GPC5: variants seen among roughly 807,000 people sequenced by gnomAD.
GPC5 encodes the protein glypican-5.
Under a neutral mutation model 53.9 loss-of-function variants are expected in GPC5, and 47 were observed. The observed-to-expected ratio is 0.87, with a 90% CI of 0.69 to 1.11. The LOEUF (loss-of-function observed/expected upper bound fraction) is 1.11. GPC5 is among the 50% of genes most tolerant of loss of function. GPC5 has a pLI of 0.00. For missense variants in GPC5, 748 were observed against 713.1 expected, an observed-to-expected ratio of 1.05 and a Z score of -0.56; for synonymous variants, 286 against 263.3, an observed-to-expected ratio of 1.09 and a Z score of -0.84.
intron 6 of GPC5, among the ~76,000 whole-genome samples, chr13:91,908,451 TGCA>T (rs1317628434): frequency 6.6e-6 from 1 of 152,140 alleles, no homozygotes; most frequent in Non-Finnish European, 1.5e-5. Flanking sequence ...GTGAAGGTTT[TGCA>T]GCATTTCAAT....
At chr13:91,752,460 C>T (rs1376626101) in intron 4 of GPC5, among the ~76,000 whole-genome samples, 1 of 152,136 alleles carries the variant, frequency 6.6e-6, no homozygotes, top group East Asian at 1.9e-4. Flanking sequence ...GTGGTGGTGG[C>T]AGGAGGTGAT....
At chr13:92,712,813 G>T (rs375464858) in intron 7 of GPC5, among the ~76,000 whole-genome samples, 1 of 152,230 alleles carries the variant, frequency 6.6e-6, no homozygotes, top group Admixed American at 6.5e-5. Context: ...ATGAATGGGC[G>T]TCAATCCAAT....
chr13:91,491,591 C>T (rs991617770), intron 2 of GPC5, among the ~76,000 whole-genome samples: 2 of 152,100 alleles, frequency 1.3e-5, no homozygotes, highest in African/African-American at 4.8e-5. Context: ...ATTATTTTCT[C>T]ATAGTTGTGA....
chr13:91,554,104 A>G (rs1358691406), intron 2 of GPC5, among the ~76,000 whole-genome samples: 6 of 152,062 alleles, frequency 3.9e-5, no homozygotes, highest in Non-Finnish European at 8.8e-5. Context: ...TACATATCTA[A>G]CCAAAATAAA....
intron 2 of GPC5, among the ~76,000 whole-genome samples, chr13:91,618,615 C>G (rs905845137): frequency 1.3e-5 from 2 of 151,852 alleles, no homozygotes; most frequent in African/African-American, 4.8e-5. Context: ...GGCCTTTAGA[C>G]CAGTGGCAAG....
chr13:92,613,809 A>G (rs1171527438), intron 7 of GPC5, among the ~76,000 whole-genome samples: 1 of 150,102 alleles, frequency 6.7e-6, no homozygotes. Flanking sequence ...GTGAGATAGG[A>G]TGGTGCCACT....
At chr13:92,245,071 C>A (rs1466061967) in intron 7 of GPC5, among the ~76,000 whole-genome samples, 2 of 150,954 alleles carry the variant, frequency 1.3e-5, no homozygotes, top group Non-Finnish European at 2.9e-5. Context: ...CATTGTCCTT[C>A]TGGTTAAATG....
chr13:91,808,628 G>A (rs2038261028), intron 5 of GPC5, among the ~76,000 whole-genome samples: 1 of 152,066 alleles, frequency 6.6e-6, no homozygotes, highest in Non-Finnish European at 1.5e-5. Context: ...ATTACTTCTT[G>A]TCTACTCCTG....
intron 4 of GPC5, among the ~76,000 whole-genome samples, chr13:91,753,645 G>A (rs1199670540): frequency 6.6e-6 from 1 of 152,076 alleles, no homozygotes; most frequent in African/African-American, 2.4e-5. Context: ...AAACAGAAAC[G>A]TCTTATGATG....
chr13:92,258,584 AT>A (rs2042743344), intron 7 of GPC5, among the ~76,000 whole-genome samples: 1 of 152,196 alleles, frequency 6.6e-6, no homozygotes, highest in Non-Finnish European at 1.5e-5. Flanking sequence ...ATTTATTTCT[AT>A]AAGATAGCTC....
At chr13:92,498,961 T>G (rs1880084777) in intron 7 of GPC5, among the ~76,000 whole-genome samples, 1 of 152,114 alleles carries the variant, frequency 6.6e-6, no homozygotes, top group Admixed American at 6.5e-5. Context: ...CACATGAATA[T>G]GAAAATAAAA....
intron 7 of GPC5, among the ~76,000 whole-genome samples, chr13:92,381,962 G>GTATGTATCTATCTATCTATC (rs1555331686): frequency 1.3e-4 from 16 of 126,298 alleles, no homozygotes; most frequent in South Asian, 4.9e-4. Context: ...ATGTATGTAT[G>GTATGTATCTATCTATCTATC]TATCTATCTA....
intron 7 of GPC5, among the ~76,000 whole-genome samples, chr13:92,559,370 T>TG (rs1446751933): frequency 1.7e-5 from 2 of 118,750 alleles, no homozygotes; most frequent in African/African-American, 6.3e-5. Flanking sequence ...GTGTGTGTGT[T>TG]GGGGTGTGGG....
intron 7 of GPC5, among the ~76,000 whole-genome samples, chr13:92,164,752 C>T (rs9560954): frequency 0.038 from 5,844 of 152,302 alleles, 251 homozygotes; most frequent in African/African-American, 0.098. Flanking sequence ...TCACATTTCC[C>T]TTCCACAGTG....
chr13:92,564,024 C>T (rs1188816307), intron 7 of GPC5, among the ~76,000 whole-genome samples: 1 of 151,808 alleles, frequency 6.6e-6, no homozygotes, highest in East Asian at 1.9e-4. Flanking sequence ...ATGATACATC[C>T]CAGTTAAAGA....
chr13:91,916,966 C>T (rs1036453511), intron 6 of GPC5, among the ~76,000 whole-genome samples: 1 of 152,182 alleles, frequency 6.6e-6, no homozygotes, highest in Non-Finnish European at 1.5e-5. Flanking sequence ...GATTCTGCCC[C>T]TGGCTTCTTC....
At chr13:92,773,764 C>A (rs1875695765) in intron 7 of GPC5, among the ~76,000 whole-genome samples, 1 of 152,144 alleles carries the variant, frequency 6.6e-6, no homozygotes, top group Non-Finnish European at 1.5e-5. Context: ...TCTTGAATTT[C>A]ATCTGTTGAA....
At chr13:92,250,551 A>G (rs1365828950) in intron 7 of GPC5, among the ~76,000 whole-genome samples, 1 of 152,074 alleles carries the variant, frequency 6.6e-6, no homozygotes, top group Non-Finnish European at 1.5e-5. Flanking sequence ...GGCAAAGAGT[A>G]AGTCCTCAAA....
At chr13:92,839,446 C>A (rs987536100) in intron 7 of GPC5, among the ~76,000 whole-genome samples, 1 of 152,146 alleles carries the variant, frequency 6.6e-6, no homozygotes, top group Non-Finnish European at 1.5e-5. Flanking sequence ...GATCTTCTCA[C>A]TCCTTCCACC....
Sources: allele counts gnomAD v4.1 joint callset (sites outside exome capture counted in the v4.1 genomes callset), GRCh38; gene constraint gnomAD v4.1.1; transcripts MANE v1.5; gene names NCBI Gene and HGNC (gene_info 2026-07-23, HGNC 2026-07-21).